Variants in MRPL48 observed in about 807,000 individuals in gnomAD.
The protein encoded by MRPL48 is large ribosomal subunit protein mL48.
Under a neutral mutation model 32.9 loss-of-function variants are expected in MRPL48, and 16 were observed. The ratio of observed to expected loss-of-function variants is 0.49; its 90% CI spans 0.33 to 0.74. The LOEUF is 0.74. MRPL48 is among the 30% of genes least tolerant of loss of function. The pLI is 0.02. For synonymous variants in MRPL48, 94 were observed against 89.2 expected (o/e 1.05, Z -0.31); for missense variants, 206 against 245.3 (o/e 0.84, Z 1.07).
intron 4 of MRPL48, among the ~76,000 whole-genome samples, chr11:73,827,653 T>G (rs7104794): frequency 0.14 from 21,706 of 152,150 alleles, 1,627 homozygotes; most frequent in African/African-American, 0.16. Flanking sequence ...TTAGCTTATT[T>G]TAATGCTCCC....
chr11:73,849,135 T>G (rs1948345982), intron 5 of MRPL48, among the ~76,000 whole-genome samples: 1 of 151,246 alleles, frequency 6.6e-6, no homozygotes, highest in Non-Finnish European at 1.5e-5. Context: ...TTTTAATTCT[T>G]TTTGTTTTTT....
intron 4 of MRPL48, among the ~76,000 whole-genome samples, chr11:73,837,706 C>T (rs891765706): frequency 2.0e-5 from 3 of 152,298 alleles, no homozygotes; most frequent in East Asian, 1.9e-4. Context: ...GGAGTGCCAA[C>T]GTTTGATGAT....
At chr11:73,820,339 C>T (rs989252776) in intron 3 of MRPL48, among the ~76,000 whole-genome samples, 2 of 152,300 alleles carry the variant, frequency 1.3e-5, no homozygotes, top group African/African-American at 4.8e-5. Context: ...ATTCTCCTGC[C>T]TCAGCTTCCT....
chr11:73,792,652 A>T (rs1947172977), intron 1 of MRPL48, among the ~76,000 whole-genome samples: 1 of 152,242 alleles, frequency 6.6e-6, no homozygotes, highest in African/African-American at 2.4e-5. Flanking sequence ...GAAGTCCAAA[A>T]GCTCAGAATA....
rs150605935 is a variant in MRPL48 at position 73,823,531 on chromosome 11, T to A, written c.113-2177T>A. On this transcript the variant is annotated intron_variant, in intron 3 of 7. Coordinates refer to ENST00000310614, the MANE Select transcript of MRPL48 (RefSeq NM_016055.6). ...TGGGACTTCTATTTAAACTCAGGTC[T>A]ATCTGACTGAACAGCCTGTGTCCAT... 7.4e-3 allele frequency among the ~76,000 whole-genome samples: 1,123 copies of A among 152,282 alleles called. 10 individuals carry two copies. The highest frequency in any genetic ancestry group is 0.02 in the Middle Eastern group (6 of 294).
At chr11:73,806,275 A>G (rs1408284796) in intron 2 of MRPL48, among the ~76,000 whole-genome samples, 1 of 152,060 alleles carries the variant, frequency 6.6e-6, no homozygotes, top group Non-Finnish European at 1.5e-5. Context: ...CATAATCTGT[A>G]TCCTCATTTT....
intron 2 of MRPL48, among the ~76,000 whole-genome samples, chr11:73,807,607 C>A (rs17132368): frequency 0.079 from 11,910 of 150,246 alleles, 599 homozygotes; most frequent in East Asian, 0.18. Flanking sequence ...CATTTTCAGT[C>A]CCATTAGATT....
chr11:73,845,045 G>C, intron 5 of MRPL48, 69 bp downstream of exon 5: 2 of 1,457,886 alleles, frequency 1.4e-6, no homozygotes, highest in East Asian at 2.3e-5. Flanking sequence ...TGTTAAACTA[G>C]GCTTTTGAGA....
At chr11:73,857,897 C>CTT (rs1948514159) in intron 5 of MRPL48, among the ~76,000 whole-genome samples, 1 of 150,904 alleles carries the variant, frequency 6.6e-6, no homozygotes, top group African/African-American at 2.4e-5. Flanking sequence ...GCATAGACTT[C>CTT]TTTGCCCATC....
intron 1 of MRPL48, among the ~76,000 whole-genome samples, chr11:73,795,237 A>C (rs981664980): frequency 6.6e-6 from 1 of 151,540 alleles, no homozygotes; most frequent in Non-Finnish European, 1.5e-5. Flanking sequence ...TAATTTTTGT[A>C]TTTTTAGTAG....
chr11:73,859,802 C>T (rs991215082), intron 5 of MRPL48, 105 bp from the exon 6 acceptor site: 12 of 876,696 alleles, frequency 1.4e-5, no homozygotes, highest in South Asian at 5.3e-5. Flanking sequence ...CCCTACATTC[C>T]GGGAACTATT....
At position 73,810,555 on chromosome 11, in the gene MRPL48, CTTTAT is replaced by C. The variant is rs1318604150; in HGVS notation, c.112+2209_112+2213del. On this transcript the variant is annotated intron_variant, in intron 3 of 7. Coordinates refer to ENST00000310614, the MANE Select transcript of MRPL48 (RefSeq NM_016055.6). ...AAAAAGAAATAAGGATGTTTTCTTT[CTTTAT>C]TTTTTTTTTTTTATTGTAATTTAAG... Among the ~76,000 whole-genome samples the C allele has an allele frequency of 1.8e-3, 208 of 114,676 alleles. 3 individuals are homozygous for C. The highest frequency in any genetic ancestry group is 8.6e-3 in the African/African-American group (192 of 22,404). 75.2% of individuals were successfully genotyped at this position (114,676 alleles called of 152,430 possible).
At chr11:73,813,063 A>C in intron 3 of MRPL48, among the ~76,000 whole-genome samples, 1 of 150,844 alleles carries the variant, frequency 6.6e-6, no homozygotes, top group Non-Finnish European at 1.5e-5. Context: ...AAAAAATAAT[A>C]TTTTTTTTGT....
Position 73,804,501 on chromosome 11 carries a change from A to C in MRPL48, c.22-526A>C, listed in dbSNP as rs181841903. On this transcript the variant is annotated intron_variant, in intron 1 of 7. Coordinates refer to ENST00000310614, the MANE Select transcript of MRPL48 (RefSeq NM_016055.6). ...TGGTCAGGTTGGTCTTGAACTCCTG[A>C]CCTCGTGATCTGCCCGCCTCAGCCT... 1.8e-3 allele frequency among the ~76,000 whole-genome samples: 265 copies of C among 151,378 alleles called. 4 individuals carry two copies. In the East Asian group the frequency reaches 0.032, roughly 18 times the overall value.
chr11:73,820,301 T>G (rs1046492269), intron 3 of MRPL48, among the ~76,000 whole-genome samples: 7 of 152,284 alleles, frequency 4.6e-5, no homozygotes, highest in Admixed American at 4.6e-4. Context: ...CTCTGCTCAC[T>G]GCAAACTCCG....
At chr11:73,842,205 C>G (rs1220720225) in intron 4 of MRPL48, 1 of 152,226 alleles carries the variant, frequency 6.6e-6, no homozygotes, top group Non-Finnish European at 1.5e-5. Context: ...CCTGCCTCAG[C>G]CTCCCAAAGT....
intron 3 of MRPL48, among the ~76,000 whole-genome samples, chr11:73,817,197 A>G (rs1342329836): frequency 6.6e-6 from 1 of 152,194 alleles, no homozygotes; most frequent in Non-Finnish European, 1.5e-5. Context: ...AAAAGATCCA[A>G]TAGGAATCAT....
intron 3 of MRPL48, chr11:73,822,887 G>A: frequency 2.7e-6 from 1 of 376,026 alleles, no homozygotes; most frequent in Admixed American, 2.8e-5. Context: ...GATCAGCTGT[G>A]GCGTTAGATT....
intron 2 of MRPL48, 139 bp from the exon 3 acceptor site, chr11:73,808,173 GT>G: frequency 1.2e-6 from 1 of 851,590 alleles, no homozygotes; most frequent in Non-Finnish European, 1.8e-6. Flanking sequence ...CCTTATTAAA[GT>G]TTGTGGAAGG....
Sources: gnomAD v4.1 joint callset for allele counts (sites outside exome capture counted in the v4.1 genomes callset) on GRCh38, gnomAD v4.1.1 for gene constraint, MANE v1.5 for transcripts, NCBI Gene and HGNC (gene_info 2026-07-23, HGNC 2026-07-21) for gene names.